ADAMTS19: variants seen among roughly 807,000 people sequenced by gnomAD.
ADAMTS19 encodes ADAM metallopeptidase with thrombospondin type 1 motif 19, also known as A disintegrin and metalloproteinase with thrombospondin motifs 19.
Under a neutral mutation model 153.3 loss-of-function variants are expected in ADAMTS19, and 93 were observed. That is an observed-to-expected ratio of 0.61 (90% confidence interval 0.51 to 0.72). ADAMTS19 has a LOEUF of 0.72. ADAMTS19 is among the 30% of genes least tolerant of loss of function. ADAMTS19 has a pLI of 0.00. For missense variants in ADAMTS19, 1,482 were observed against 1,552.1 expected (o/e 0.95, Z 0.76); for synonymous variants, 600 against 556.6 (o/e 1.08, Z -1.10).
chr5:129,658,351 A>AACAGAGAGAGAGAGAGAGAGAGAG (rs1753669188), intron 14 of ADAMTS19, among the ~76,000 whole-genome samples: 1 of 133,140 alleles, frequency 7.5e-6, no homozygotes. Context: ...GAAAGAAAGA[A>AACAGAGAGAGAGAGAGAGAGAGAG]AGAAAGAAAG....
intron 16 of ADAMTS19, 152 bp from the exon 17 acceptor site, chr5:129,679,612 C>T: frequency 1.5e-6 from 1 of 687,770 alleles, no homozygotes; most frequent in Admixed American, 3.5e-5. Flanking sequence ...GCAGACTTTT[C>T]CTAAAAAGAG....
chr5:129,493,162 AT>A (rs1026363320), intron 2 of ADAMTS19, among the ~76,000 whole-genome samples: 3 of 152,144 alleles, frequency 2.0e-5, no homozygotes, highest in Non-Finnish European at 4.4e-5. Context: ...GAGGGCACTG[AT>A]TTAATGAGTC....
At chr5:129,693,877 G>C (rs916293937) in intron 18 of ADAMTS19, among the ~76,000 whole-genome samples, 2 of 152,072 alleles carry the variant, frequency 1.3e-5, no homozygotes, top group African/African-American at 4.8e-5. Flanking sequence ...ACAATCATTT[G>C]GGTAAAGATT....
intron 2 of ADAMTS19, among the ~76,000 whole-genome samples, chr5:129,479,836 T>C (rs1433704963): frequency 6.6e-6 from 1 of 152,158 alleles, no homozygotes; most frequent in Non-Finnish European, 1.5e-5. Context: ...TAAATGGAGA[T>C]ACATACAAAG....
Position 129,526,329 on chromosome 5 carries a change from G to A in ADAMTS19, c.959G>A (p.Gly320Glu), listed in dbSNP as rs761282830. 4 of 1,597,100 alleles carry A rather than the reference G, an allele frequency of 2.5e-6. No homozygotes were observed. The Admixed American group carries it at 7.1e-5, about 28-fold the overall frequency. ...RSRKIAESGR[G>E]KRYSYKLPQE... is the part of the protein sequence containing the mutation. ...AGAAAAATAGCAGAAAGTGGAAGAG[G>A]GAAACGATATTCATACAAATTACCT... The change falls in exon 4 of 23, where the codon GGG (glycine) becomes GAG (glutamate). Residue 320 changes from glycine to glutamate, a missense_variant. Gly to Glu is a moderately conservative substitution (Grantham distance 98). This residue lies in a region of ADAMTS19 where 866 missense variants were observed against 827.7 expected (regional missense o/e 1.05). Transcript: ENST00000274487.
intron 2 of ADAMTS19, among the ~76,000 whole-genome samples, chr5:129,499,844 C>T (rs1376378838): frequency 6.6e-6 from 1 of 152,158 alleles, no homozygotes; most frequent in Non-Finnish European, 1.5e-5. Flanking sequence ...ACTTCCCATA[C>T]ATGAAGTCTC....
At chr5:129,647,352 T>G (rs942973298) in intron 11 of ADAMTS19, among the ~76,000 whole-genome samples, 4 of 152,204 alleles carry the variant, frequency 2.6e-5, no homozygotes, top group Non-Finnish European at 5.9e-5. Flanking sequence ...ATGTCTGCTT[T>G]GACGTAGGAC....
rs530754996 is a variant in ADAMTS19, at chr5:129,684,767, C to G, written c.2818+494C>G. On this transcript the variant is annotated intron_variant, in intron 18 of 22. Transcript: ENST00000274487. Reference sequence around the variant, plus strand: ...CTCTGGGAGGCCGAGGCGGGCAGATCACGAGGTCAGGAGATCAAGACCATT... The same window carrying G: ...CTCTGGGAGGCCGAGGCGGGCAGATGACGAGGTCAGGAGATCAAGACCATT... Among the ~76,000 whole-genome samples, 4 of 151,938 alleles carry G rather than the reference C, an allele frequency of 2.6e-5. No homozygotes were observed. The East Asian group carries it at 7.8e-4, about 30-fold the overall frequency.
chr5:129,598,948 GT>G (rs1750514120), intron 8 of ADAMTS19, among the ~76,000 whole-genome samples: 1 of 151,914 alleles, frequency 6.6e-6, no homozygotes, highest in South Asian at 2.1e-4. Flanking sequence ...TCCTTGTTTA[GT>G]TTTTAAAAAA....
At chr5:129,689,035 A>T (rs1755214174) in intron 18 of ADAMTS19, among the ~76,000 whole-genome samples, 1 of 152,226 alleles carries the variant, frequency 6.6e-6, no homozygotes, top group Non-Finnish European at 1.5e-5. Context: ...ATCAGCATTA[A>T]CTGCATAACT....
At chr5:129,543,043 G>GTTGTTTT (rs1752711192) in intron 6 of ADAMTS19, among the ~76,000 whole-genome samples, 1 of 145,552 alleles carries the variant, frequency 6.9e-6, no homozygotes, top group Non-Finnish European at 1.5e-5. Context: ...TGTTGTTGTT[G>GTTGTTTT]TTTTGTTTTT....
intron 3 of ADAMTS19, among the ~76,000 whole-genome samples, chr5:129,515,566 A>G (rs1187309334): frequency 2.6e-5 from 4 of 151,784 alleles, no homozygotes; most frequent in Non-Finnish European, 5.9e-5. Flanking sequence ...AAATGGGGTT[A>G]TATTTTTAAA....
intron 6 of ADAMTS19, among the ~76,000 whole-genome samples, chr5:129,529,713 C>A (rs143435640): frequency 6.6e-6 from 1 of 152,056 alleles, no homozygotes; most frequent in Non-Finnish European, 1.5e-5. Flanking sequence ...GCTGAGGACA[C>A]CATAGATAAA....
At chr5:129,615,529 T>A (rs1263908306) in intron 8 of ADAMTS19, among the ~76,000 whole-genome samples, 1 of 152,040 alleles carries the variant, frequency 6.6e-6, no homozygotes, top group Non-Finnish European at 1.5e-5. Flanking sequence ...TCATGCCCTA[T>A]GATTCTGATG....
chr5:129,599,525 ATAT>A (rs1750543795), intron 8 of ADAMTS19, among the ~76,000 whole-genome samples: 2 of 152,160 alleles, frequency 1.3e-5, no homozygotes, highest in African/African-American at 4.8e-5. Flanking sequence ...TTTTAAACCG[ATAT>A]GTTTAAAACC....
chr5:129,506,839 G>A (rs1051841215), intron 2 of ADAMTS19, among the ~76,000 whole-genome samples: 3 of 151,784 alleles, frequency 2.0e-5, no homozygotes, highest in African/African-American at 4.8e-5. Flanking sequence ...CATGATAAGA[G>A]CATTGCTTTC....
At chr5:129,672,228 A>G (rs1754332632) in intron 16 of ADAMTS19, among the ~76,000 whole-genome samples, 1 of 152,076 alleles carries the variant, frequency 6.6e-6, no homozygotes, top group Non-Finnish European at 1.5e-5. Flanking sequence ...CTTCACTCTC[A>G]TGACCTCATC....
rs1051256692 is a variant in ADAMTS19, at chr5:129,526,352, C to T, written c.982C>T (p.Pro328Ser). 2 of 1,600,592 alleles carry T rather than the reference C, an allele frequency of 1.2e-6. No homozygotes were observed. The highest frequency in any genetic ancestry group is 1.7e-6 in the Non-Finnish European group (2 of 1,174,410). Residue 328 changes from proline (P) to serine (S), a missense_variant, in exon 4 of 23, where the codon CCT (proline) becomes TCT (serine). Pro to Ser is a moderately conservative substitution (Grantham distance 74). Coordinates refer to ENST00000274487, the MANE Select transcript of ADAMTS19 (RefSeq NM_133638.6). Reference protein sequence around the residue: ...GRGKRYSYKLPQEYNIETVVV... With the variant: ...GRGKRYSYKLSQEYNIETVVV... Reference sequence around the variant, plus strand: ...AGGGAAACGATATTCATACAAATTACCTCAAGAATACAACATAGAGACTGT... The same window carrying T: ...AGGGAAACGATATTCATACAAATTATCTCAAGAATACAACATAGAGACTGT...
intron 21 of ADAMTS19, among the ~76,000 whole-genome samples, chr5:129,713,873 TC>T (rs1756592884): frequency 6.6e-6 from 1 of 152,036 alleles, no homozygotes; most frequent in Admixed American, 6.6e-5. Flanking sequence ...CACTCCAGCA[TC>T]TACACAACCA....
Sources: allele counts gnomAD v4.1 joint callset (sites outside exome capture counted in the v4.1 genomes callset), GRCh38; gene constraint gnomAD v4.1.1; regional missense constraint gnomAD v4.1.1; transcripts MANE v1.5; gene names NCBI Gene and HGNC (gene_info 2026-07-23, HGNC 2026-07-21).